Variants in KIAA0586 observed in about 807,000 individuals in gnomAD.
The protein encoded by KIAA0586 is protein TALPID3.
In KIAA0586, 144 loss-of-function variants were observed where a neutral mutation model predicts 169.8. The observed-to-expected ratio is 0.85, with a 90% CI of 0.74 to 0.97. The LOEUF is 0.97. KIAA0586 is among the 50% of genes least tolerant of loss of function. The probability of loss-of-function intolerance (pLI) is 0.00; values close to 1 mark genes in which losing one functional copy is unlikely to be tolerated. For missense variants in KIAA0586, 1,854 were observed against 1,823.0 expected (o/e 1.02, Z -0.31); for synonymous variants, 625 against 612.4 (o/e 1.02, Z -0.30).
At chr14:58,519,173 A>G (rs1205165829) in intron 29 of KIAA0586, among the ~76,000 whole-genome samples, 1 of 152,296 alleles carries the variant, frequency 6.6e-6, no homozygotes, top group South Asian at 2.1e-4. Flanking sequence ...GAATACATTT[A>G]CCAGAGGTTT....
intron 3 of KIAA0586, among the ~76,000 whole-genome samples, chr14:58,431,614 T>A (rs1048980816): frequency 1.3e-5 from 2 of 152,174 alleles, no homozygotes; most frequent in African/African-American, 4.8e-5. Flanking sequence ...AAAAATGATG[T>A]TGGTAATTGA....
intron 29 of KIAA0586, among the ~76,000 whole-genome samples, chr14:58,514,315 C>A (rs1360847496): frequency 1.3e-5 from 2 of 151,862 alleles, no homozygotes; most frequent in Non-Finnish European, 2.9e-5. Flanking sequence ...CTTTGGGTGA[C>A]CTTGAAGGAA....
intron 29 of KIAA0586, among the ~76,000 whole-genome samples, chr14:58,529,518 C>T (rs959942418): frequency 9.2e-5 from 14 of 152,140 alleles, no homozygotes. Context: ...TCAATCAAGT[C>T]AGCTTCATCC....
chr14:58,505,785 T>C (rs1475936702), intron 27 of KIAA0586, among the ~76,000 whole-genome samples: 1 of 152,202 alleles, frequency 6.6e-6, no homozygotes, highest in South Asian at 2.1e-4. Context: ...TCTTGTTAGT[T>C]TTAAAGCTGT....
intron 29 of KIAA0586, among the ~76,000 whole-genome samples, chr14:58,523,305 A>G (rs1055459619): frequency 6.6e-6 from 1 of 152,020 alleles, no homozygotes; most frequent in Admixed American, 6.6e-5. Flanking sequence ...GTGTATGGAG[A>G]GCTTGGGTTT....
rs1175575619 is a variant in KIAA0586, at chr14:58,465,834, G to A, written c.2060-1G>A. ...ATATCTGCCATTGGTGATTATTATA[G>A]GCACTAAGGTAAAGTCAATAAGAAC... On this transcript the variant is annotated splice_acceptor_variant, in intron 14 of 30. Coordinates refer to ENST00000652326, the MANE Select transcript of KIAA0586 (RefSeq NM_001329943.3). LOFTEE classifies it high-confidence loss of function. The A allele has an allele frequency of 6.4e-7, 1 of 1,568,728 alleles. No homozygotes were observed. The highest frequency in any genetic ancestry group is 8.7e-7 in the Non-Finnish European group (1 of 1,150,040).
At chr14:58,533,697 G>A (rs1053384912) in intron 29 of KIAA0586, among the ~76,000 whole-genome samples, 20 of 152,166 alleles carry the variant, frequency 1.3e-4, no homozygotes, top group Non-Finnish European at 4.4e-5. Flanking sequence ...TGCTGGCAGG[G>A]CCTATACAGC....
Position 58,456,691 on chromosome 14 carries a change from C to T in KIAA0586, c.1254-11C>T. ...AATCTTCTGTAGCGTTGAAACTCTA[C>T]CTTCTCAAAGATTTCCTTCCTGTGA... On this transcript the variant is annotated splice_polypyrimidine_tract_variant and intron_variant, in intron 9 of 30. Transcript: ENST00000652326. 2 of 1,489,756 alleles carry T rather than the reference C, an allele frequency of 1.3e-6. No homozygotes were observed. Among genetic ancestry groups the T allele is most frequent in the Non-Finnish European group, 1.8e-6 (2 of 1,082,580 alleles). The allele number at this position is 1,489,756 out of a possible 1,614,324, so 92.3% of individuals were successfully genotyped here.
chr14:58,427,542 A>C, upstream of KIAA0586: 2 of 1,516,284 alleles, frequency 1.3e-6, no homozygotes, highest in Non-Finnish European at 8.9e-7. Flanking sequence ...AAAATAAATA[A>C]ATAAATAAAC....
chr14:58,543,497 A>T (rs1595552666), intron 30 of KIAA0586, among the ~76,000 whole-genome samples: 1 of 152,138 alleles, frequency 6.6e-6, no homozygotes, highest in South Asian at 2.1e-4. Context: ...TCCAGAATCC[A>T]TTCTCTTATC....
chr14:58,445,437 CTT>C (rs560212866), intron 6 of KIAA0586, among the ~76,000 whole-genome samples: 11 of 142,036 alleles, frequency 7.7e-5, no homozygotes, highest in Non-Finnish European at 7.7e-5. Context: ...CTTTCTTTTT[CTT>C]TTTTTTTTTT....
chr14:58,560,114 G>GC, the KIAA0586 span, among the ~76,000 whole-genome samples: 15 of 147,098 alleles, frequency 1.0e-4, no homozygotes, highest in Non-Finnish European at 2.2e-4. Context: ...TTGTGTCACT[G>GC]CACTCTAGCC....
intron 6 of KIAA0586, among the ~76,000 whole-genome samples, chr14:58,447,162 C>T (rs564725591): frequency 6.6e-6 from 1 of 152,244 alleles, no homozygotes; most frequent in Admixed American, 6.5e-5. Context: ...TCAGTAAATG[C>T]TTAATGAAAT....
intron 4 of KIAA0586, among the ~76,000 whole-genome samples, chr14:58,434,465 A>G (rs2037644507): frequency 6.6e-6 from 1 of 152,188 alleles, no homozygotes; most frequent in South Asian, 2.1e-4. Context: ...TGATCATGCT[A>G]TATATTCTGC....
chr14:58,534,781 A>T (rs1210568807), intron 29 of KIAA0586, among the ~76,000 whole-genome samples: 1 of 152,234 alleles, frequency 6.6e-6, no homozygotes, highest in African/African-American at 2.4e-5. Context: ...TAATTTTATC[A>T]TTGGAAAAAA....
In KIAA0586 at chr14:58,547,140, A is replaced by G. The variant is rs1206293501; in HGVS notation, c.4496-641A>G. On this transcript the variant is annotated intron_variant, in intron 30 of 30. Transcript: ENST00000652326. ...ACTTCAAATGCCTTTTACATGGCTG[A>G]TATCTTACCTCTTTTAAAAAAAAAA... Among the ~76,000 whole-genome samples, 4 of 145,948 alleles carry G rather than the reference A, an allele frequency of 2.7e-5. No homozygotes were observed. In the East Asian group the frequency reaches 8.0e-4, roughly 29 times the overall value.
At chr14:58,484,430 T>C (rs549940385) in intron 21 of KIAA0586, among the ~76,000 whole-genome samples, 49 of 152,282 alleles carry the variant, frequency 3.2e-4, no homozygotes, top group Non-Finnish European at 5.3e-4. Context: ...ATTGACATCT[T>C]TATGGTACTG....
Position 58,450,564 on chromosome 14 carries a change from A to C in KIAA0586, c.962-15A>C, listed in dbSNP as rs767414174. The C allele has an allele frequency of 4.0e-5, 62 of 1,553,266 alleles. No individual in the cohort carries two copies. The highest frequency in any genetic ancestry group is 4.1e-5 in the Non-Finnish European group (47 of 1,141,912). On this transcript the variant is annotated splice_polypyrimidine_tract_variant and intron_variant, in intron 7 of 30. Coordinates refer to ENST00000652326, the MANE Select transcript of KIAA0586 (RefSeq NM_001329943.3). ...TTAAAAGCAAGTTAAGTTTTTAAAAAATTTTCTGTTAAAGCACCTTTAAAA... is the reference window on the plus strand; with the variant it reads ...TTAAAAGCAAGTTAAGTTTTTAAAACATTTTCTGTTAAAGCACCTTTAAAA...
chr14:58,478,750 G>A (rs149538441), intron 20 of KIAA0586, among the ~76,000 whole-genome samples: 6 of 152,184 alleles, frequency 3.9e-5, no homozygotes, highest in African/African-American at 7.2e-5. Flanking sequence ...AACCTCACTC[G>A]TGCCCACTGG....
Sources: allele counts gnomAD v4.1 joint callset (sites outside exome capture counted in the v4.1 genomes callset), GRCh38; gene constraint gnomAD v4.1.1; transcripts MANE v1.5; gene names NCBI Gene and HGNC (gene_info 2026-07-23, HGNC 2026-07-21).